Variants in OR51B5 observed in about 807,000 individuals in gnomAD.
OR51B5 encodes the protein olfactory receptor 51B5.
For missense variants in OR51B5, 456 were observed against 374.6 expected (o/e 1.22, Z -1.79); for synonymous variants, 186 against 144.8 (o/e 1.28, Z -2.04).
chr11:5,381,000 G>C (rs955043698), intron 1 of OR51B5, among the ~76,000 whole-genome samples: 10 of 152,084 alleles, frequency 6.6e-5, no homozygotes, highest in African/African-American at 1.9e-4. Context: ...TCTCCTGAAG[G>C]AATCTCCTAC....
intron 1 of OR51B5, chr11:5,430,533 A>C (rs1159590935): frequency 5.5e-6 from 2 of 362,584 alleles, no homozygotes; most frequent in South Asian, 2.1e-5. Context: ...AGCCTGTTGC[A>C]ATACTTTGAA....
intron 1 of OR51B5, among the ~76,000 whole-genome samples, chr11:5,353,027 G>A (rs1173838838): frequency 2.0e-5 from 3 of 151,704 alleles, no homozygotes; most frequent in Non-Finnish European, 4.4e-5. Context: ...TAGGAATAAG[G>A]CATTTTTGGC....
chr11:5,430,889 C>G (rs1349265393), intron 1 of OR51B5: 8 of 457,116 alleles, frequency 1.8e-5, no homozygotes, highest in Non-Finnish European at 3.5e-5. Flanking sequence ...GTGTTGAGAG[C>G]CTTCCACCGT....
At chr11:5,493,621 T>C (rs1851608245) in intron 1 of OR51B5, among the ~76,000 whole-genome samples, 2 of 152,164 alleles carry the variant, frequency 1.3e-5, no homozygotes, top group African/African-American at 4.8e-5. Context: ...ATTTCAACTG[T>C]AAAAGCAGAA....
At chr11:5,375,975 C>T (rs1849521137) in intron 1 of OR51B5, among the ~76,000 whole-genome samples, 1 of 152,044 alleles carries the variant, frequency 6.6e-6, no homozygotes, top group Admixed American at 6.5e-5. Flanking sequence ...TAGACATCTA[C>T]AGAACTCTCC....
intron 1 of OR51B5, among the ~76,000 whole-genome samples, chr11:5,485,824 C>T (rs560266713): frequency 6.6e-6 from 1 of 152,150 alleles, no homozygotes; most frequent in Non-Finnish European, 1.5e-5. Context: ...TTGTGTTGGT[C>T]TCCACACCCC....
chr11:5,433,821 G>A (rs1238195563), intron 1 of OR51B5, among the ~76,000 whole-genome samples: 1 of 151,234 alleles, frequency 6.6e-6, no homozygotes, highest in Non-Finnish European at 1.5e-5. Flanking sequence ...AACAGAATGA[G>A]ATCTTACATC....
At chr11:5,416,814 G>T (rs987843642) in intron 1 of OR51B5, among the ~76,000 whole-genome samples, 1 of 151,386 alleles carries the variant, frequency 6.6e-6, no homozygotes, top group African/African-American at 2.4e-5. Context: ...CATGCTCATG[G>T]GTAGGAAGAA....
chr11:5,342,500 A>ATGC, downstream of OR51B5: 2 of 1,470,778 alleles, frequency 1.4e-6, no homozygotes, highest in Non-Finnish European at 1.8e-6. Context: ...TCATATGAGC[A>ATGC]TGCATGCTAG....
chr11:5,454,321 A>G, intron 1 of OR51B5: 1 of 1,614,148 alleles, frequency 6.2e-7, no homozygotes, highest in Non-Finnish European at 8.5e-7. Context: ...CTCATGTCAA[A>G]TGTGTACCTA....
intron 1 of OR51B5, among the ~76,000 whole-genome samples, chr11:5,463,635 T>TTTTG (rs758105791): frequency 6.6e-6 from 1 of 152,192 alleles, no homozygotes; most frequent in African/African-American, 2.4e-5. Context: ...TTGTTTAGGT[T>TTTTG]TTTGTTTGTT....
chr11:5,399,844 G>A (rs1020911213), intron 1 of OR51B5, among the ~76,000 whole-genome samples: 1 of 152,076 alleles, frequency 6.6e-6, no homozygotes, highest in African/African-American at 2.4e-5. Flanking sequence ...GGCAGAGGAG[G>A]AGAGACTCTA....
intron 1 of OR51B5, among the ~76,000 whole-genome samples, chr11:5,487,053 A>G (rs1851508792): frequency 6.6e-6 from 1 of 152,184 alleles, no homozygotes; most frequent in African/African-American, 2.4e-5. Flanking sequence ...TAGGAATTCA[A>G]GTATTGGACT....
intron 1 of OR51B5, among the ~76,000 whole-genome samples, chr11:5,446,749 C>G (rs118011285): frequency 2.0e-5 from 3 of 152,196 alleles, no homozygotes; most frequent in Non-Finnish European, 4.4e-5. Context: ...TTTCTTCCCC[C>G]ACAGGACTCT....
intron 1 of OR51B5, among the ~76,000 whole-genome samples, chr11:5,498,192 T>C (rs1851676765): frequency 6.6e-6 from 1 of 152,186 alleles, no homozygotes; most frequent in African/African-American, 2.4e-5. Flanking sequence ...CCAAATGCCA[T>C]GGTGCTGGAG....
intron 1 of OR51B5, among the ~76,000 whole-genome samples, chr11:5,400,411 C>T (rs1327818956): frequency 6.6e-6 from 1 of 151,756 alleles, no homozygotes; most frequent in Non-Finnish European, 1.5e-5. Context: ...GTCAAAGTGC[C>T]ATATTATATG....
intron 1 of OR51B5, among the ~76,000 whole-genome samples, chr11:5,359,625 C>T (rs1450027365): frequency 2.0e-5 from 3 of 147,730 alleles, no homozygotes; most frequent in East Asian, 1.9e-4. Flanking sequence ...ACTTTCTTCA[C>T]AGAATTGGAA....
intron 1 of OR51B5, chr11:5,352,163 T>C: frequency 6.2e-7 from 1 of 1,614,198 alleles, no homozygotes; most frequent in South Asian, 1.1e-5. Context: ...TACATTTTGA[T>C]TCTCAAGACT....
chr11:5,356,987 G>A (rs1849204005), intron 1 of OR51B5, among the ~76,000 whole-genome samples: 1 of 151,964 alleles, frequency 6.6e-6, no homozygotes, highest in Non-Finnish European at 1.5e-5. Flanking sequence ...CACTAAATAT[G>A]GAAAGGCACA....
Sources: gnomAD v4.1 joint callset for allele counts (sites outside exome capture counted in the v4.1 genomes callset) on GRCh38, gnomAD v4.1.1 for gene constraint, MANE v1.5 for transcripts, NCBI Gene and HGNC (gene_info 2026-07-23, HGNC 2026-07-21) for gene names.